Variants in LAMB2 observed in about 807,000 individuals in gnomAD.
LAMB2 encodes laminin subunit beta-2.
In LAMB2, 119 loss-of-function variants were observed where a neutral mutation model predicts 202.7. The ratio of observed to expected loss-of-function variants is 0.59; its 90% CI spans 0.51 to 0.68. The LOEUF is 0.68. LAMB2 is among the 30% of genes least tolerant of loss of function. The probability of loss-of-function intolerance (pLI) is 0.00; values close to 1 mark genes in which losing one functional copy is unlikely to be tolerated. For synonymous variants in LAMB2, 818 were observed against 902.2 expected (o/e 0.91, Z 1.67); for missense variants, 2,124 against 2,410.6 (o/e 0.88, Z 2.49).
chr3:49,124,128 A>G (rs1417973470), intron 23 of LAMB2, 28 bp from the exon 24 acceptor site: 2 of 1,614,062 alleles, frequency 1.2e-6, no homozygotes, highest in Admixed American at 1.7e-5. Context: ...GCACAGAGTT[A>G]GGGTCACTGT....
In LAMB2 at chr3:49,121,792, A is replaced by G. The variant is rs371816688; in HGVS notation, c.4992T>C (p.Asp1664=). ...TCAATTTCAGAGCCTCCAGGAGAGC[A>G]TCCAACTGCCGAGCCCTTTCACCTG... ...SSAGERARQL[D]ALLEALKLKR... Residue 1664 remains aspartate, a synonymous_variant, in exon 30 of 32, where the codon GAT becomes GAC. Transcript: ENST00000305544. 3.1e-6 allele frequency: 5 copies of G among 1,613,252 alleles called. No homozygotes were observed. Among genetic ancestry groups the G allele is most frequent in the Non-Finnish European group, 4.2e-6 (5 of 1,179,994 alleles).
rs369793777 is a variant in LAMB2, at chr3:49,128,786, C to T, written c.1765G>A (p.Gly589Arg). The change falls in exon 14 of 32, where the codon GGG (glycine) becomes AGG (arginine). Residue 589 changes from glycine to arginine, a missense_variant. This residue lies in a region of LAMB2 where 1,702 missense variants were observed against 1,896.3 expected (regional missense o/e 0.90). Transcript: ENST00000305544. ...GAGCCAGTCCAGGATGGAGTTTCCC[C>T]GGGGGTCACCAGGCGCTCCACCACA... ...LDVVERLVTP[G>R]ETPSWTGSGF... 1.2e-5 allele frequency: 20 copies of T among 1,613,832 alleles called. No individual in the cohort carries two copies. In the South Asian group the frequency reaches 1.5e-4, roughly 12 times the overall value.
intron 15 of LAMB2, 107 bp downstream of exon 15, chr3:49,128,351 G>A (rs996658175): frequency 7.9e-6 from 11 of 1,399,950 alleles, no homozygotes; most frequent in Middle Eastern, 5.1e-4. Flanking sequence ...GTATTTGAAA[G>A]AAGGAACAGA....
At position 49,131,148 on chromosome 3, in the gene LAMB2, C is replaced by A; in HGVS notation, c.717G>T (p.Leu239=). 1 of 1,613,466 alleles carries A rather than the reference C, an allele frequency of 6.2e-7. No homozygotes were observed. The highest frequency in any genetic ancestry group is 2.2e-5 in the East Asian group (1 of 44,866). ...TCACCCGTAGGTTGGTGATCTTCAA[C>A]AGGTCTGAGGCGGGGGAAGGGGGGC... ...PDPYSSRIQN[L]LKITNLRVNL... The change falls in exon 7 of 32, where the codon CTG becomes CTT. Residue 239 remains leucine, a synonymous_variant. Coordinates refer to ENST00000305544, the MANE Select transcript of LAMB2 (RefSeq NM_002292.4). This position sits in a 1 kb window ranked among gnomAD's most constrained non-coding sequence, Gnocchi z 5.0.
rs766771300 is a variant in LAMB2, at chr3:49,125,318, C to T, written c.2655G>A (p.Glu885=). Residue 885 remains glutamate, a synonymous_variant, in exon 19 of 32, where the codon GAG becomes GAA. Transcript: ENST00000305544. ...GGCAAGCGCCTGTGTGGGTGTTGCA[C>T]TCATCTGCATGCCCATTGCAGACAC... is the stretch of plus-strand genomic sequence containing the variant. ...RPCVCNGHAD[E]CNTHTGACLG... is the part of the protein sequence containing the mutation. 3 of 1,613,956 alleles carry T rather than the reference C, an allele frequency of 1.9e-6. No individual in the cohort carries two copies. Among genetic ancestry groups the T allele is most frequent in the Non-Finnish European group, 2.5e-6 (3 of 1,180,056 alleles).
Position 49,123,337 on chromosome 3 carries a change from G to C in LAMB2, c.4019C>G (p.Ser1340Cys), listed in dbSNP as rs1381826762. Residue 1340 changes from serine (S) to cysteine (C), a missense_variant, in exon 26 of 32, where the codon TCT becomes TGT. Ser to Cys is a moderately radical substitution (Grantham distance 112). Around this residue, in one of 3 missense-constraint regions of LAMB2, gnomAD observed 1,702 missense variants for 1,896.3 expected, o/e 0.90. Transcript: ENST00000305544. ...YDSIRHAHSQSAEAERRANTS... is the reference protein window; with the variant it reads ...YDSIRHAHSQCAEAERRANTS... ...ATTGGCACGACGTTCTGCCTCTGCA[G>C]ACTGGCTATGGGCATGCCGGATGCT... 6.2e-7 allele frequency: 1 copy of C among 1,613,940 alleles called. No individual in the cohort carries two copies. Among genetic ancestry groups the C allele is most frequent in the Non-Finnish European group, 8.5e-7 (1 of 1,180,008 alleles).
chr3:49,121,591 A>G lies in LAMB2; in HGVS notation c.5102T>C (p.Leu1701Pro). 3 of 1,614,012 alleles carry G rather than the reference A, an allele frequency of 1.9e-6. No individual in the cohort carries two copies. The highest frequency in any genetic ancestry group is 2.5e-6 in the Non-Finnish European group (3 of 1,180,038). The change falls in exon 31 of 32, where the codon CTG (leucine) becomes CCG (proline). Residue 1701 changes from leucine (L) to proline (P), a missense_variant and splice_region_variant. Physicochemically the swap from Leu to Pro is moderately conservative, Grantham distance 98. This residue lies in a region of LAMB2 where 1,702 missense variants were observed against 1,896.3 expected (regional missense o/e 0.90). Transcript: ENST00000305544. ...AQGRAQEAEQ[L>P]LRGPLGDQYQ... ...CTGATCACCCAGAGGACCGCGTAGC[A>G]GCTGCAGATGTAGAGGGTTAGGTTA...
Position 49,130,718 on chromosome 3 carries a change from T to C in LAMB2, c.1036+22A>G, listed in dbSNP as rs1410685600. 2 of 1,613,424 alleles carry C rather than the reference T, an allele frequency of 1.2e-6. No homozygotes were observed. Among genetic ancestry groups the C allele is most frequent in the East Asian group, 2.2e-5 (1 of 44,884 alleles). On this transcript the variant is annotated intron_variant, in intron 8 of 31. Coordinates refer to ENST00000305544, the MANE Select transcript of LAMB2 (RefSeq NM_002292.4). The surrounding 1 kb of genome is among the most constrained non-coding windows in gnomAD (Gnocchi z 5.0). The stretch of plus-strand genomic sequence containing the variant: ...GCCAGGCTGCAGAGTGCTGGAGCTA[T>C]GGAGGCCAAGATCTCACTCACTCCT...
Position 49,130,268 on chromosome 3 carries a change from G to A in LAMB2, c.1188C>T (p.Asp396=), listed in dbSNP as rs1283222547. ...CCGGATCCCGCAGGTCCTTGGTTGG[G>A]TCACGGTAGAAGAAGGGCCGACAGA... ...CELCRPFFYR[D]PTKDLRDPAV... The change falls in exon 9 of 32, where the codon GAC becomes GAT. Residue 396 remains aspartate (D), a synonymous_variant. Transcript: ENST00000305544. This position sits in a 1 kb window ranked among gnomAD's most constrained non-coding sequence, Gnocchi z 5.0. 1 of 1,614,228 alleles carries A rather than the reference G, an allele frequency of 6.2e-7. No individual in the cohort carries two copies. The highest frequency in any genetic ancestry group is 8.5e-7 in the Non-Finnish European group (1 of 1,180,050).
rs753933909 is a variant in LAMB2 at position 49,131,079 on chromosome 3, T to G, written c.786A>C (p.Pro262=). The G allele has an allele frequency of 3.7e-6, 6 of 1,613,794 alleles. No individual in the cohort carries two copies. The South Asian group carries it at 6.6e-5, about 18-fold the overall frequency. ...AGTACTTCTCTCGGATCTCCCTCCG[T>G]GGGTCGAGTAGGTTGTCTCCCAACG... The part of the protein sequence containing the change: ...LHTLGDNLLD[P]RREIREKYYY... Residue 262 remains proline, a synonymous_variant, in exon 7 of 32, where the codon CCA becomes CCC. Coordinates refer to ENST00000305544, the MANE Select transcript of LAMB2 (RefSeq NM_002292.4). This position sits in a 1 kb window ranked among gnomAD's most constrained non-coding sequence, Gnocchi z 5.0.
At position 49,132,502 on chromosome 3, in the gene LAMB2, TGAC is replaced by T. The variant is rs756490826; in HGVS notation, c.235_237del (p.Val79del). ...GTCCCCAGCCACACCTGCAGGTGAC[TGAC>T]GATGCAGTAGGGCTGGGGGCCATTC... On this transcript the variant is annotated inframe_deletion, in exon 2 of 32. Coordinates refer to ENST00000305544, the MANE Select transcript of LAMB2 (RefSeq NM_002292.4). The surrounding 1 kb of genome is among the most constrained non-coding windows in gnomAD (Gnocchi z 4.6). The T allele has an allele frequency of 1.9e-6, 3 of 1,613,928 alleles. No individual in the cohort carries two copies. The South Asian group carries it at 3.3e-5, about 18-fold the overall frequency.
rs202236477 is a variant in LAMB2 at position 49,132,466 on chromosome 3, C to G, written c.249+25G>C. On this transcript the variant is annotated intron_variant, in intron 2 of 31. Transcript: ENST00000305544. The surrounding 1 kb of genome is among the most constrained non-coding windows in gnomAD (Gnocchi z 4.6). ...CAGTGCCAGCCCCACCCTGACTCGGCGTCACACCCTGTCCCCAGCCACACC... is the reference window on the plus strand; with the variant it reads ...CAGTGCCAGCCCCACCCTGACTCGGGGTCACACCCTGTCCCCAGCCACACC... The G allele has an allele frequency of 6.2e-7, 1 of 1,613,950 alleles. No homozygotes were observed. Among genetic ancestry groups the G allele is most frequent in the Admixed American group, 1.7e-5 (1 of 60,000 alleles).
In LAMB2 at chr3:49,131,049, A is replaced by G. The variant is rs151251039; in HGVS notation, c.816T>C (p.Tyr272=). The change falls in exon 7 of 32, where the codon TAT becomes TAC. Residue 272 remains tyrosine (Y), a synonymous_variant. Coordinates refer to ENST00000305544, the MANE Select transcript of LAMB2 (RefSeq NM_002292.4). This position sits in a 1 kb window ranked among gnomAD's most constrained non-coding sequence, Gnocchi z 5.0. ...CACGTACAACCAGCTCATAGAGGGC[A>G]TAGTAGTACTTCTCTCGGATCTCCC... ...PRREIREKYY[Y]ALYELVVRGN... 1,164 of 1,613,824 alleles carry G rather than the reference A, an allele frequency of 7.2e-4. 2 individuals are homozygous for G. The highest frequency in any genetic ancestry group is 9.0e-4 in the Non-Finnish European group (1,061 of 1,180,034).
chr3:49,124,593 C>T lies in LAMB2; in HGVS notation c.3129G>A (p.Leu1043=). The change falls in exon 22 of 32, where the codon CTG becomes CTA. Residue 1043 remains leucine (L), a synonymous_variant. Coordinates refer to ENST00000305544, the MANE Select transcript of LAMB2 (RefSeq NM_002292.4). ...QSCHRCTCNL[L]GTNPQQCPSP... ...ATGGGCACTGCTGCGGATTTGTGCC[C>T]AGCAGGTTGCATGTGCAGCCTGTGC... The T allele has an allele frequency of 6.2e-7, 1 of 1,613,606 alleles. No individual in the cohort carries two copies. The highest frequency in any genetic ancestry group is 8.5e-7 in the Non-Finnish European group (1 of 1,179,902).
chr3:49,123,197 G>A lies in LAMB2; in HGVS notation c.4159C>T (p.Gln1387Ter). 1 of 1,613,956 alleles carries A rather than the reference G, an allele frequency of 6.2e-7. No homozygotes were observed. The highest frequency in any genetic ancestry group is 1.1e-5 in the South Asian group (1 of 91,086). Residue 1387 changes from glutamine (Q) to a stop codon, truncating the protein, a stop_gained, in exon 26 of 32, where the codon CAG becomes TAG. Transcript: ENST00000305544. LOFTEE classifies it high-confidence loss of function. ...GCAGAGAGCTTGCCAAGTGCCCGCT[G>A]GTTGGCCATGTGTTTGCTGTTGAAG... ...EDFNSKHMAN[Q>*]RALGKLSAHT... is the part of the protein sequence containing the mutation.
In LAMB2 at chr3:49,128,736, A is replaced by G; in HGVS notation, c.1815T>C (p.Gly605=). Reference sequence around the variant, plus strand: ...AGGCCACCAGGAACTCCAGGGTCTGACCTTCCTGTAGCCGCACGAAGCCTG... The same window carrying G: ...AGGCCACCAGGAACTCCAGGGTCTGGCCTTCCTGTAGCCGCACGAAGCCTG... ...TGSGFVRLQE[G]QTLEFLVASV... Residue 605 remains glycine, a synonymous_variant, in exon 14 of 32, where the codon GGT becomes GGC. Coordinates refer to ENST00000305544, the MANE Select transcript of LAMB2 (RefSeq NM_002292.4). The G allele has an allele frequency of 6.2e-7, 1 of 1,614,096 alleles. No individual in the cohort carries two copies. Among genetic ancestry groups the G allele is most frequent in the Non-Finnish European group, 8.5e-7 (1 of 1,180,032 alleles).
chr3:49,124,338 G>A, intron 22 of LAMB2, 52 bp from the exon 23 acceptor site: 3 of 1,613,198 alleles, frequency 1.9e-6, no homozygotes, highest in East Asian at 2.2e-5. Context: ...CTAAGCCCTG[G>A]AGATAAGACA....
rs766047117 is a variant in LAMB2, at chr3:49,132,549, G to A, written c.191C>T (p.Ala64Val). The change falls in exon 2 of 32, where the codon GCC (alanine) becomes GTC (valine). Residue 64 changes from alanine (A) to valine (V), a missense_variant. Coordinates refer to ENST00000305544, the MANE Select transcript of LAMB2 (RefSeq NM_002292.4). The surrounding 1 kb of genome is among the most constrained non-coding windows in gnomAD (Gnocchi z 4.6). ...GCCATTCAGGCCACAAGTGGATGAGGCAGTCAGTCTGTCAGCTCGGCCCAC... is the reference window on the plus strand; with the variant it reads ...GCCATTCAGGCCACAAGTGGATGAGACAGTCAGTCTGTCAGCTCGGCCCAC... ...LLVGRADRLT[A>V]SSTCGLNGPQ... 2.5e-6 allele frequency: 4 copies of A among 1,613,548 alleles called. No individual in the cohort carries two copies. The South Asian group carries it at 4.4e-5, about 18-fold the overall frequency.
rs1357634678 is a variant in LAMB2 at position 49,131,524 on chromosome 3, C to A, written c.648+11G>T. ...CAGCTTCCAGCCCCCAGCCCAGATG[C>A]CAGCCCTCACCTCGCCTTCAGTGGA... On this transcript the variant is annotated intron_variant, in intron 5 of 31. Transcript: ENST00000305544. This position sits in a 1 kb window ranked among gnomAD's most constrained non-coding sequence, Gnocchi z 5.0. 4 of 1,614,050 alleles carry A rather than the reference C, an allele frequency of 2.5e-6. No homozygotes were observed.
Sources: gnomAD v4.1 joint callset for allele counts on GRCh38, gnomAD v4.1.1 for gene constraint, gnomAD v4.1.1 regional missense constraint, Gnocchi (gnomAD v3.1) non-coding constraint, MANE v1.5 for transcripts, NCBI Gene and HGNC (gene_info 2026-07-23, HGNC 2026-07-21) for gene names.